The following KCNJ3 variants were observed in gnomAD, a reference collection of about 807,000 sequenced individuals.
The protein encoded by KCNJ3 is G protein-activated inward rectifier potassium channel 1.
In KCNJ3, 4 loss-of-function variants were observed where a neutral mutation model predicts 39.2. That is an observed-to-expected ratio of 0.10 (90% CI 0.05 to 0.23). KCNJ3 has a LOEUF of 0.23. Among genes scored for constraint, KCNJ3 ranks in the 10% least tolerant of loss-of-function variants. KCNJ3 has a pLI of 1.00. For missense variants in KCNJ3, 276 were observed against 634.9 expected (o/e 0.43, Z 6.08); for synonymous variants, 230 against 237.4 (o/e 0.97, Z 0.29).
intron 2 of KCNJ3, among the ~76,000 whole-genome samples, chr2:154,814,998 T>C (rs1687059196): frequency 6.6e-6 from 1 of 152,200 alleles, no homozygotes; most frequent in Non-Finnish European, 1.5e-5. Flanking sequence ...GTAAGACAGT[T>C]AAAGCAGGCA....
chr2:154,844,672 G>C (rs1014403166), intron 2 of KCNJ3, among the ~76,000 whole-genome samples: 1 of 151,796 alleles, frequency 6.6e-6, no homozygotes, highest in South Asian at 2.1e-4. Context: ...CCCTCCCCTA[G>C]CCAGGCTACC....
chr2:154,750,841 T>C (rs1322511296), intron 2 of KCNJ3, among the ~76,000 whole-genome samples: 1 of 152,066 alleles, frequency 6.6e-6, no homozygotes, highest in Non-Finnish European at 1.5e-5. Flanking sequence ...TTATTTATAT[T>C]TTCTAGTCAA....
At position 154,855,167 on chromosome 2, in the gene KCNJ3, A is replaced by G. The variant is rs1687815917; in HGVS notation, c.1360A>G (p.Lys454Glu). Residue 454 changes from lysine (K) to glutamate (E), a missense_variant, in exon 3 of 3, where the codon AAA becomes GAA. By Grantham distance (56) the Lys-to-Glu change is moderately conservative. This residue lies in a region of KCNJ3 where 126 missense variants were observed against 179.8 expected (regional missense o/e 0.70). Coordinates refer to ENST00000295101, the MANE Select transcript of KCNJ3 (RefSeq NM_002239.4). ...PGNSEEKLVS[K>E]TTKMLSDPMS... ...CAACTCAGAAGAAAAACTGGTATCT[A>G]AAACCACCAAGATGTTATCTGATCC... is the stretch of plus-strand genomic sequence containing the variant. The G allele has an allele frequency of 6.2e-7, 1 of 1,613,990 alleles. No homozygotes were observed. Among genetic ancestry groups the G allele is most frequent in the Non-Finnish European group, 8.5e-7 (1 of 1,179,950 alleles).
rs539355614 is a variant in KCNJ3, at chr2:154,851,805, C to T, written c.920-2922C>T. Among the ~76,000 whole-genome samples the T allele has an allele frequency of 2.6e-5, 4 of 152,200 alleles. No homozygotes were observed. In the East Asian group the frequency reaches 5.8e-4, roughly 22 times the overall value. On this transcript the variant is annotated intron_variant, in intron 2 of 2. Transcript: ENST00000295101. ...CACGTTTCCACTGTAGATGTCATAG[C>T]ACTTTAAGTACCTTAATAATTGATG...
intron 2 of KCNJ3, among the ~76,000 whole-genome samples, chr2:154,833,517 A>G (rs1444048102): frequency 1.3e-5 from 2 of 152,184 alleles, no homozygotes; most frequent in Non-Finnish European, 2.9e-5. Flanking sequence ...TACATCTGTT[A>G]TAATCAATGA....
chr2:154,736,880 A>T (rs1685557422), intron 2 of KCNJ3, among the ~76,000 whole-genome samples: 1 of 152,082 alleles, frequency 6.6e-6, no homozygotes, highest in Admixed American at 6.6e-5. Flanking sequence ...TTTTTTCCAG[A>T]CTGTGGTGCA....
chr2:154,703,950 T>A (rs2105146708), intron 1 of KCNJ3, among the ~76,000 whole-genome samples: 1 of 152,182 alleles, frequency 6.6e-6, no homozygotes, highest in African/African-American at 2.4e-5. Context: ...GCTGAGTACC[T>A]CAGAATGCTC....
chr2:154,821,841 A>G (rs1032847720), intron 2 of KCNJ3, among the ~76,000 whole-genome samples: 1 of 151,902 alleles, frequency 6.6e-6, no homozygotes, highest in African/African-American at 2.4e-5. Context: ...AGGTTTCACT[A>G]TGTGGGCCCA....
At chr2:154,798,999 G>T (rs1181147446) in intron 2 of KCNJ3, among the ~76,000 whole-genome samples, 2 of 151,954 alleles carry the variant, frequency 1.3e-5, no homozygotes, top group East Asian at 3.9e-4. Context: ...TCAGGTGTGT[G>T]TATATGGTGT....
intron 2 of KCNJ3, among the ~76,000 whole-genome samples, chr2:154,728,192 G>A (rs1685391758): frequency 6.6e-6 from 1 of 151,764 alleles, no homozygotes; most frequent in African/African-American, 2.4e-5. Flanking sequence ...TACATACCTG[G>A]TTATTCATTG....
chr2:154,773,267 A>C (rs534194865), intron 2 of KCNJ3, among the ~76,000 whole-genome samples: 2 of 152,258 alleles, frequency 1.3e-5, no homozygotes, highest in East Asian at 3.9e-4. Flanking sequence ...ATCATATCAT[A>C]GGATTGCTTT....
intron 2 of KCNJ3, among the ~76,000 whole-genome samples, chr2:154,775,307 T>G (rs1686313496): frequency 6.6e-6 from 1 of 152,160 alleles, no homozygotes; most frequent in Non-Finnish European, 1.5e-5. Context: ...AAATGACATG[T>G]TTTCAGTTGG....
chr2:154,735,053 C>T (rs114815872), intron 2 of KCNJ3, among the ~76,000 whole-genome samples: 408 of 141,958 alleles, frequency 2.9e-3, no homozygotes, highest in African/African-American at 0.011. Context: ...CTAGACTTTC[C>T]ACTCCCCTTG....
intron 2 of KCNJ3, among the ~76,000 whole-genome samples, chr2:154,831,664 ATATT>A (rs1164651267): frequency 3.9e-5 from 6 of 152,282 alleles, no homozygotes; most frequent in East Asian, 1.9e-4. Flanking sequence ...GTGTTCATAA[ATATT>A]TATTAAGAAC....
chr2:154,743,120 A>T (rs1685681433), intron 2 of KCNJ3, among the ~76,000 whole-genome samples: 1 of 151,866 alleles, frequency 6.6e-6, no homozygotes, highest in African/African-American at 2.4e-5. Flanking sequence ...TGTAGCAAAG[A>T]CTGTCCTTTC....
intron 2 of KCNJ3, among the ~76,000 whole-genome samples, chr2:154,809,224 A>G (rs1686967077): frequency 6.6e-6 from 1 of 152,182 alleles, no homozygotes; most frequent in Non-Finnish European, 1.5e-5. Context: ...CAAGAGAAGA[A>G]ACCTGCAACT....
rs115959031 is a variant in KCNJ3 at position 154,700,739 on chromosome 2, C to G, written c.702+1262C>G. Among the ~76,000 whole-genome samples the G allele has an allele frequency of 7.6e-3, 1,151 of 152,200 alleles. 12 individuals carry two copies. The highest frequency in any genetic ancestry group is 0.026 in the African/African-American group (1,073 of 41,530). ...CAATGTGCTTTTAAAAAGTTTTGCTCTTGTGTCATTTTCATTATTCACTTA... is the reference window on the plus strand; with the variant it reads ...CAATGTGCTTTTAAAAAGTTTTGCTGTTGTGTCATTTTCATTATTCACTTA... On this transcript the variant is annotated intron_variant, in intron 1 of 2. Coordinates refer to ENST00000295101, the MANE Select transcript of KCNJ3 (RefSeq NM_002239.4).
At chr2:154,811,201 C>G (rs575974719) in intron 2 of KCNJ3, among the ~76,000 whole-genome samples, 1 of 152,134 alleles carries the variant, frequency 6.6e-6, no homozygotes, top group Non-Finnish European at 1.5e-5. Flanking sequence ...TCTCCTCCCC[C>G]ATACCTTCTA....
chr2:154,853,435 A>G (rs565722354), intron 2 of KCNJ3, among the ~76,000 whole-genome samples: 2 of 152,238 alleles, frequency 1.3e-5, no homozygotes, highest in South Asian at 4.1e-4. Context: ...CCTTCAAACT[A>G]TGCCAGGCTT....
Sources: allele counts gnomAD v4.1 joint callset (sites outside exome capture counted in the v4.1 genomes callset), GRCh38; gene constraint gnomAD v4.1.1; regional missense constraint gnomAD v4.1.1; transcripts MANE v1.5; gene names NCBI Gene and HGNC (gene_info 2026-07-23, HGNC 2026-07-21).